GHRHR: variants seen among roughly 807,000 people sequenced by gnomAD.
GHRHR encodes the protein growth hormone releasing hormone receptor.
Under a neutral mutation model 58.3 loss-of-function variants are expected in GHRHR, and 40 were observed. The ratio of observed to expected loss-of-function variants is 0.69; its 90% CI spans 0.53 to 0.89. The LOEUF (loss-of-function observed/expected upper bound fraction) is 0.89, where lower values mean the gene tolerates loss of function less well. Ranked by LOEUF, GHRHR falls within the 40% of genes least tolerant of loss-of-function variation. GHRHR has a pLI of 0.00. For missense variants in GHRHR, 551 were observed against 541.3 expected (o/e 1.02, Z -0.18); for synonymous variants, 249 against 216.6 (o/e 1.15, Z -1.31).
intron 8 of GHRHR, 115 bp from the exon 9 acceptor site, chr7:30,974,856 A>G (rs957361229): frequency 3.8e-6 from 3 of 798,498 alleles, no homozygotes; most frequent in Non-Finnish European, 6.8e-6. Flanking sequence ...GACAGGAGAA[A>G]AGGCTGGAGG....
chr7:30,979,424 C>T lies in GHRHR; in HGVS notation c.*180C>T, dbSNP rs1212269828. 1.6e-6 allele frequency: 1 copy of T among 628,264 alleles called. No individual in the cohort carries two copies. Among genetic ancestry groups the T allele is most frequent in the Non-Finnish European group, 2.9e-6 (1 of 344,410 alleles). The allele number at this position is 628,264 out of a possible 1,614,324, so 38.9% of individuals were successfully genotyped here. A position where few individuals can be genotyped will look rare whatever the true frequency, so the allele number is the denominator to read the frequency against. Reference sequence around the variant, plus strand: ...CTCTTTTGAGGTCCCTGTATGTCTACCTCTGACTTCTGTGGTCCCTCTGTG... The same window carrying T: ...CTCTTTTGAGGTCCCTGTATGTCTATCTCTGACTTCTGTGGTCCCTCTGTG... On this transcript the variant is annotated 3_prime_UTR_variant, in exon 13 of 13. Coordinates refer to ENST00000326139, the MANE Select transcript of GHRHR (RefSeq NM_000823.4).
chr7:30,969,118 G>C lies in GHRHR; in HGVS notation c.216G>C (p.Glu72Asp). The change falls in exon 3 of 13, where the codon GAG (glutamate) becomes GAC (aspartate). Residue 72 changes from glutamate to aspartate, a missense_variant. Coordinates refer to ENST00000326139, the MANE Select transcript of GHRHR (RefSeq NM_000823.4). ...GCTGGCCAACGGCAGGCTCTGGCGA[G>C]TGGGTCACCCTCCCCTGCCCGGATT... ...LLCWPTAGSG[E>D]WVTLPCPDFF... 1 of 1,579,446 alleles carries C rather than the reference G, an allele frequency of 6.3e-7. No individual in the cohort carries two copies. The highest frequency in any genetic ancestry group is 8.6e-7 in the Non-Finnish European group (1 of 1,162,592).
chr7:30,976,784 GCATC>G (rs1053790517), intron 11 of GHRHR, among the ~76,000 whole-genome samples: 2 of 150,496 alleles, frequency 1.3e-5, no homozygotes, highest in African/African-American at 2.5e-5. Flanking sequence ...ATCCATCCGT[GCATC>G]CATCCATCCA....
chr7:30,969,689 T>C (rs1792439949), intron 3 of GHRHR, 178 bp from the exon 4 acceptor site: 2 of 699,470 alleles, frequency 2.9e-6, no homozygotes, highest in South Asian at 1.6e-5. Flanking sequence ...GAAGGCCCCA[T>C]AGTGTGTCCC....
chr7:30,969,869 G>C lies in GHRHR; in HGVS notation c.271G>C (p.Ala91Pro). The C allele has an allele frequency of 6.2e-7, 1 of 1,613,690 alleles. No individual in the cohort carries two copies. Among genetic ancestry groups the C allele is most frequent in the Non-Finnish European group, 8.5e-7 (1 of 1,179,552 alleles). The change falls in exon 4 of 13, where the codon GCT becomes CCT. Residue 91 changes from alanine (A) to proline (P), a missense_variant and splice_region_variant. Ala to Pro is a conservative substitution (Grantham distance 27). Coordinates refer to ENST00000326139, the MANE Select transcript of GHRHR (RefSeq NM_000823.4). ...AGAGAGTCTTGCTTGCCTCCCAGGG[G>C]CTGTGAAACGGGATTGTACTATCAC... ...FFSHFSSESGAVKRDCTITGW... is the reference protein window; with the variant it reads ...FFSHFSSESGPVKRDCTITGW...
At position 30,975,055 on chromosome 7, in the gene GHRHR, C is replaced by A; in HGVS notation, c.882+15C>A. 6.3e-7 allele frequency: 1 copy of A among 1,575,544 alleles called. No individual in the cohort carries two copies. The highest frequency in any genetic ancestry group is 8.7e-7 in the Non-Finnish European group (1 of 1,144,652). ...TCTCGGTCGGGGTCAGTCCCTGGGCCAGTGCCCTTTGCTTTATTCAGTCAA... is the reference window on the plus strand; with the variant it reads ...TCTCGGTCGGGGTCAGTCCCTGGGCAAGTGCCCTTTGCTTTATTCAGTCAA... On this transcript the variant is annotated intron_variant, in intron 9 of 12. Transcript: ENST00000326139.
intron 1 of GHRHR, among the ~76,000 whole-genome samples, chr7:30,965,370 G>C (rs1047598938): frequency 2.0e-5 from 3 of 151,998 alleles, no homozygotes; most frequent in Admixed American, 2.0e-4. Context: ...AGGCCTGGGG[G>C]TCCAGGGCGA....
At chr7:30,967,118 G>T (rs1167325629) in intron 1 of GHRHR, among the ~76,000 whole-genome samples, 1 of 152,210 alleles carries the variant, frequency 6.6e-6, no homozygotes, top group African/African-American at 2.4e-5. Context: ...AGTGCAGAAA[G>T]TATGTTTTGT....
chr7:30,968,511 C>T (rs532815037), intron 1 of GHRHR, among the ~76,000 whole-genome samples: 4 of 152,056 alleles, frequency 2.6e-5, no homozygotes, highest in South Asian at 2.1e-4. Context: ...TTGGGCAAGT[C>T]GGTCAACCCT....
chr7:30,966,436 C>G (rs373624791), intron 1 of GHRHR, among the ~76,000 whole-genome samples: 2 of 152,042 alleles, frequency 1.3e-5, no homozygotes, highest in South Asian at 2.1e-4. Context: ...AAACATTAGT[C>G]CTGAGCTGAT....
rs534391063 is a variant in GHRHR, at chr7:30,975,682, A to C, written c.883-95A>C. 6.5e-6 allele frequency: 5 copies of C among 765,910 alleles called. No individual in the cohort carries two copies. In the South Asian group the frequency reaches 6.9e-5, roughly 11 times the overall value. 47.4% of individuals were successfully genotyped at this position (765,910 alleles called of 1,614,324 possible). ...CACATTCTCACGTCTCAAGGATTTAAATTTTCTAGTCCCCAAATGGGCTGG... is the reference window on the plus strand; with the variant it reads ...CACATTCTCACGTCTCAAGGATTTACATTTTCTAGTCCCCAAATGGGCTGG... On this transcript the variant is annotated intron_variant, in intron 9 of 12. Coordinates refer to ENST00000326139, the MANE Select transcript of GHRHR (RefSeq NM_000823.4).
Position 30,977,363 on chromosome 7 carries a change from C to A in GHRHR, c.1146+41C>A, listed in dbSNP as rs2128598921. The A allele has an allele frequency of 2.5e-6, 4 of 1,574,212 alleles. No individual in the cohort carries two copies. The South Asian group carries it at 4.4e-5, about 17-fold the overall frequency. The stretch of plus-strand genomic sequence containing the variant: ...GGCTATCCCTCATGGAGTCCCCCTC[C>A]CACCAGACCTAAGGCCCCTCCTCCT... On this transcript the variant is annotated intron_variant, in intron 12 of 12. Transcript: ENST00000326139.
intron 5 of GHRHR, 77 bp from the exon 6 acceptor site, chr7:30,971,886 G>T (rs1792486938): frequency 1.5e-6 from 2 of 1,361,024 alleles, no homozygotes; most frequent in South Asian, 2.3e-5. Flanking sequence ...CTCCTGCCCT[G>T]TTCAGCCCAG....
At chr7:30,968,791 A>T in intron 1 of GHRHR, 43 bp from the exon 2 acceptor site, 1 of 1,358,618 alleles carries the variant, frequency 7.4e-7, no homozygotes, top group Non-Finnish European at 1.1e-6. Context: ...GCCCAGAAAG[A>T]CACCCAAATG....
At chr7:30,976,708 C>T (rs750241417) in intron 11 of GHRHR, 150 bp downstream of exon 11, 3 of 693,588 alleles carry the variant, frequency 4.3e-6, no homozygotes, top group Non-Finnish European at 7.5e-6. Flanking sequence ...CATCTTCCAG[C>T]CACCCATCTA....
intron 12 of GHRHR, among the ~76,000 whole-genome samples, chr7:30,977,696 T>A (rs996259633): frequency 1.3e-5 from 2 of 151,640 alleles, no homozygotes; most frequent in African/African-American, 4.9e-5. Context: ...GGAGAGACAA[T>A]CAGAGAGAAC....
intron 1 of GHRHR, among the ~76,000 whole-genome samples, chr7:30,966,415 C>G (rs1057492707): frequency 5.9e-5 from 9 of 151,560 alleles, no homozygotes; most frequent in African/African-American, 2.2e-4. Context: ...GGGTGGGGGC[C>G]ATGGGGAGAG....
intron 9 of GHRHR, among the ~76,000 whole-genome samples, 172 bp downstream of exon 9, chr7:30,975,212 T>C (rs1232157152): frequency 2.0e-5 from 3 of 152,102 alleles, no homozygotes; most frequent in East Asian, 3.9e-4. Context: ...CAGTATCCCA[T>C]TGGTAAAACT....
rs1792525646 is a variant in GHRHR at position 30,973,977 on chromosome 7, GC to G, written c.598-3del. The G allele has an allele frequency of 6.2e-7, 1 of 1,612,964 alleles. No homozygotes were observed. ...CCAGCTCTGAAGCACCCAGGTCCTG[GC>G]CCCCAGGTTCTATGCAAGGTCTCTG... On this transcript the variant is annotated splice_polypyrimidine_tract_variant and splice_region_variant and intron_variant, in intron 6 of 12. Coordinates refer to ENST00000326139, the MANE Select transcript of GHRHR (RefSeq NM_000823.4).
Sources: gnomAD v4.1 joint callset for allele counts (sites outside exome capture counted in the v4.1 genomes callset) on GRCh38, gnomAD v4.1.1 for gene constraint, MANE v1.5 for transcripts, NCBI Gene and HGNC (gene_info 2026-07-23, HGNC 2026-07-21) for gene names.